DCHS2: variants seen among roughly 807,000 people sequenced by gnomAD.
DCHS2 encodes the protein protocadherin-23.
In DCHS2, 142 loss-of-function variants were observed where a neutral mutation model predicts 182.4. The ratio of observed to expected loss-of-function variants is 0.78; its 90% CI spans 0.68 to 0.89. DCHS2 has a LOEUF of 0.89. Ranked by LOEUF, DCHS2 falls within the 40% of genes least tolerant of loss-of-function variation. The probability of loss-of-function intolerance (pLI) is 0.00; values close to 1 mark genes in which losing one functional copy is unlikely to be tolerated. For synonymous variants in DCHS2, 1,740 were observed against 1,663.3 expected (o/e 1.05, Z -1.12); for missense variants, 4,319 against 4,198.6 (o/e 1.03, Z -0.79).
rs1731556406 is a variant in DCHS2 at position 154,237,029 on chromosome 4, A to G, written c.7623T>C (p.Asp2541=). 2 of 1,614,038 alleles carry G rather than the reference A, an allele frequency of 1.2e-6. No individual in the cohort carries two copies. The highest frequency in any genetic ancestry group is 1.7e-6 in the Non-Finnish European group (2 of 1,179,932). The change falls in exon 20 of 20, where the codon GAT becomes GAC. Residue 2541 remains aspartate, a synonymous_variant. Transcript: ENST00000357232. ...TGAATTCAGGGGCATAATTGTTCAT[A>G]TCTTCTATTCCTATCTCCACTAAAG... The part of the protein sequence containing the change: ...ALTLVEIGIE[D]MNNYAPEFTV...
intron 10 of DCHS2, among the ~76,000 whole-genome samples, chr4:154,308,365 C>T (rs1735534225): frequency 6.6e-6 from 1 of 152,038 alleles, no homozygotes; most frequent in African/African-American, 2.4e-5. Context: ...TTCTCTATGA[C>T]ATATTTTTCT....
rs768470450 is a variant in DCHS2 at position 154,297,969 on chromosome 4, C to T, written c.6345G>A (p.Gln2115=). The part of the protein sequence containing the change: ...PIWLQLKVTD[Q]GIPARTTTGL... ...CCGTGGTTGTCCTGGCTGGAATGCC[C>T]TGGTCTGTAACTTTTAACTGCAGCC... The change falls in exon 13 of 20, where the codon CAG becomes CAA. Residue 2115 remains glutamine, a synonymous_variant. Coordinates refer to ENST00000357232, the MANE Select transcript of DCHS2 (RefSeq NM_001358235.2). 26 of 1,613,968 alleles carry T rather than the reference C, an allele frequency of 1.6e-5. No homozygotes were observed. Among genetic ancestry groups the T allele is most frequent in the Non-Finnish European group, 1.6e-5 (19 of 1,179,998 alleles).
chr4:154,455,589 G>A (rs1734729457), intron 1 of DCHS2, among the ~76,000 whole-genome samples: 1 of 152,214 alleles, frequency 6.6e-6, no homozygotes, highest in Non-Finnish European at 1.5e-5. Flanking sequence ...TGGAATTTTA[G>A]TGATTTAGAT....
At chr4:154,298,778 G>T in intron 12 of DCHS2, 70 bp from the exon 13 acceptor site, 2 of 1,497,452 alleles carry the variant, frequency 1.3e-6, no homozygotes, top group Non-Finnish European at 1.8e-6. Context: ...CACTATCTAT[G>T]GTATTCATTT....
chr4:154,487,533 C>A (rs1250209598), intron 1 of DCHS2, among the ~76,000 whole-genome samples: 1 of 152,138 alleles, frequency 6.6e-6, no homozygotes, highest in East Asian at 1.9e-4. Flanking sequence ...AATAATCTAG[C>A]AACTCAGAGC....
intron 1 of DCHS2, among the ~76,000 whole-genome samples, chr4:154,428,167 A>G (rs62331930): frequency 3.1e-4 from 47 of 152,158 alleles, no homozygotes; most frequent in Middle Eastern, 3.4e-3. Context: ...CATTGGAGAT[A>G]TGAAATCTAG....
intron 1 of DCHS2, among the ~76,000 whole-genome samples, chr4:154,469,678 T>C (rs1317346758): frequency 2.6e-5 from 4 of 152,176 alleles, no homozygotes; most frequent in Admixed American, 6.5e-5. Context: ...CCAACAGCAG[T>C]GGTCTTCCTT....
chr4:154,457,088 A>G (rs563602012), intron 1 of DCHS2, among the ~76,000 whole-genome samples: 1 of 152,256 alleles, frequency 6.6e-6, no homozygotes, highest in South Asian at 2.1e-4. Context: ...ATGTTTGTTG[A>G]CTGAATAAAT....
intron 10 of DCHS2, among the ~76,000 whole-genome samples, chr4:154,314,058 C>T (rs1032913641): frequency 6.6e-6 from 1 of 151,906 alleles, no homozygotes; most frequent in African/African-American, 2.4e-5. Flanking sequence ...TTCTTTTCTC[C>T]CTCTTCAAGC....
chr4:154,376,679 T>C (rs1332217409), intron 2 of DCHS2, among the ~76,000 whole-genome samples: 2 of 152,180 alleles, frequency 1.3e-5, no homozygotes, highest in Admixed American at 6.5e-5. Flanking sequence ...GCAAATGGCA[T>C]CACCTAAATG....
rs113459428 is a variant in DCHS2, at chr4:154,406,631, C to T, written c.2053-29187G>A. Among the ~76,000 whole-genome samples the T allele has an allele frequency of 2.8e-3, 434 of 152,328 alleles. 2 individuals carry two copies. Among genetic ancestry groups the T allele is most frequent in the Admixed American group, 6.1e-3 (94 of 15,304 alleles). ...ATGACTAAATTCCTTCATCTCATTA[C>T]ATCTTACTCCAGGAAAGTTTTTTGG... is the stretch of plus-strand genomic sequence containing the variant. On this transcript the variant is annotated intron_variant, in intron 1 of 19. Coordinates refer to ENST00000357232, the MANE Select transcript of DCHS2 (RefSeq NM_001358235.2).
At chr4:154,354,186 A>G (rs904720960) in intron 3 of DCHS2, among the ~76,000 whole-genome samples, 1 of 152,200 alleles carries the variant, frequency 6.6e-6, no homozygotes, top group African/African-American at 2.4e-5. Context: ...TCAGCCTCCC[A>G]AAGTGTTAGG....
At chr4:154,335,152 T>C in intron 3 of DCHS2, 48 bp from the exon 4 acceptor site, 1 of 1,217,176 alleles carries the variant, frequency 8.2e-7, no homozygotes, top group African/African-American at 1.5e-5. Flanking sequence ...ATGTAATAAA[T>C]ACTGATGAGC....
At chr4:154,368,394 G>C (rs921940854) in intron 2 of DCHS2, among the ~76,000 whole-genome samples, 9 of 152,142 alleles carry the variant, frequency 5.9e-5, no homozygotes, top group African/African-American at 2.2e-4. Flanking sequence ...ATGAAAAAGT[G>C]GGGAAAATAT....
At chr4:154,457,424 A>C (rs1364192638) in intron 1 of DCHS2, among the ~76,000 whole-genome samples, 1 of 152,120 alleles carries the variant, frequency 6.6e-6, no homozygotes, top group Non-Finnish European at 1.5e-5. Context: ...ATTTTAACTA[A>C]ATGAGAAAGT....
intron 2 of DCHS2, among the ~76,000 whole-genome samples, chr4:154,376,443 C>A (rs943414006): frequency 3.6e-5 from 3 of 83,984 alleles, no homozygotes; most frequent in Non-Finnish European, 5.0e-5. Context: ...ATTAAGACAG[C>A]AAGTTACTAT....
intron 1 of DCHS2, chr4:154,486,315 A>G: frequency 9.3e-7 from 1 of 1,071,956 alleles, no homozygotes; most frequent in Non-Finnish European, 1.2e-6. Flanking sequence ...CCAGCACCAT[A>G]GTGCCAGCAA....
At chr4:154,353,232 A>G (rs773993194) in intron 3 of DCHS2, among the ~76,000 whole-genome samples, 2 of 152,158 alleles carry the variant, frequency 1.3e-5, no homozygotes, top group Non-Finnish European at 2.9e-5. Flanking sequence ...AATACCTTCT[A>G]AAGAAACCCA....
At chr4:154,439,812 C>T (rs185543594) in intron 1 of DCHS2, among the ~76,000 whole-genome samples, 1 of 152,086 alleles carries the variant, frequency 6.6e-6, no homozygotes, top group Admixed American at 6.5e-5. Context: ...TAGTTATGAC[C>T]ACAAACAATA....
Sources: gnomAD v4.1 joint callset for allele counts (sites outside exome capture counted in the v4.1 genomes callset) on GRCh38, gnomAD v4.1.1 for gene constraint, MANE v1.5 for transcripts, NCBI Gene and HGNC (gene_info 2026-07-23, HGNC 2026-07-21) for gene names.